GRIK2: variants seen among roughly 807,000 people sequenced by gnomAD.
GRIK2 encodes the protein glutamate receptor ionotropic, kainate 2.
GRIK2 carries 32 observed loss-of-function variants against 100.3 expected under a neutral mutation model. The observed-to-expected ratio is 0.32, with a 90% CI of 0.24 to 0.43. The LOEUF is 0.43. Among genes scored for constraint, GRIK2 ranks in the 20% least tolerant of loss-of-function variants. The pLI is 1.00. For missense variants in GRIK2, 843 were observed against 1,114.9 expected (o/e 0.76, Z 3.47); for synonymous variants, 417 against 389.4 (o/e 1.07, Z -0.83).
intron 2 of GRIK2, among the ~76,000 whole-genome samples, chr6:101,413,898 T>C (rs1205969643): frequency 6.6e-6 from 1 of 152,012 alleles, no homozygotes; most frequent in East Asian, 2.0e-4. Flanking sequence ...TCTTTATTTA[T>C]ACAAGCAACC....
At position 101,526,389 on chromosome 6, in the gene GRIK2, A is replaced by G. The variant is rs369684503; in HGVS notation, c.116-95560A>G. Among the ~76,000 whole-genome samples, 22 of 152,318 alleles carry G rather than the reference A, an allele frequency of 1.4e-4. No individual in the cohort carries two copies. In the East Asian group the frequency reaches 3.3e-3, roughly 23 times the overall value. ...ATAATTAGAGTATATTTAGAAAACT[A>G]TATGCATTTGCTTATTTTTTAATGT... On this transcript the variant is annotated intron_variant, in intron 2 of 16. Coordinates refer to ENST00000369134, the MANE Select transcript of GRIK2 (RefSeq NM_021956.5).
chr6:101,889,537 T>C, intron 11 of GRIK2, 103 bp from the exon 12 acceptor site: 1 of 661,012 alleles, frequency 1.5e-6, no homozygotes, highest in Non-Finnish European at 2.6e-6. Flanking sequence ...AAAGCCTTTG[T>C]TTTATTTAAT....
At chr6:101,546,861 C>G (rs577987215) in intron 2 of GRIK2, among the ~76,000 whole-genome samples, 1 of 102,956 alleles carries the variant, frequency 9.7e-6, no homozygotes, top group Non-Finnish European at 1.8e-5. Flanking sequence ...GACGGAGTCT[C>G]GCTCTGTCGC....
At position 101,606,122 on chromosome 6, in the gene GRIK2, G is replaced by A. The variant is rs142497805; in HGVS notation, c.116-15827G>A. On this transcript the variant is annotated intron_variant, in intron 2 of 16. Transcript: ENST00000369134. ...CCATATTACTGGGCTCTCACTGGAT[G>A]ACTCAGCTAAGTCATTATATTAACT... Among the ~76,000 whole-genome samples, 612 of 152,088 alleles carry A rather than the reference G, an allele frequency of 4.0e-3. 1 individual carries two copies. Among genetic ancestry groups the A allele is most frequent in the African/African-American group, 0.014 (580 of 41,540 alleles).
At chr6:101,553,296 T>C (rs908536997) in intron 2 of GRIK2, among the ~76,000 whole-genome samples, 1 of 152,182 alleles carries the variant, frequency 6.6e-6, no homozygotes, top group African/African-American at 2.4e-5. Context: ...TTAGGGTGTA[T>C]CAATGTATTA....
chr6:101,511,776 G>T (rs1774331469), intron 2 of GRIK2, among the ~76,000 whole-genome samples: 1 of 151,848 alleles, frequency 6.6e-6, no homozygotes, highest in South Asian at 2.1e-4. Context: ...AATCATATAT[G>T]ATTTGTTTTT....
At chr6:101,573,238 G>A (rs527898879) in intron 2 of GRIK2, among the ~76,000 whole-genome samples, 39 of 152,208 alleles carry the variant, frequency 2.6e-4, no homozygotes, top group East Asian at 7.7e-4. Flanking sequence ...TGGCATAAAG[G>A]AAGACCTCAA....
rs959120466 is a variant in GRIK2 at position 101,399,430 on chromosome 6, C to T, written c.115+38C>T. On this transcript the variant is annotated intron_variant, in intron 2 of 16. Transcript: ENST00000369134. Reference sequence around the variant, plus strand: ...ATCTCTCTTGGTTGCCTGGTATCCGCTCCCAGGCAGCCGGATGTAAACAGG... The same window carrying T: ...ATCTCTCTTGGTTGCCTGGTATCCGTTCCCAGGCAGCCGGATGTAAACAGG... 6.9e-6 allele frequency: 7 copies of T among 1,014,248 alleles called. No homozygotes were observed. In the African/African-American group the frequency reaches 7.9e-5, roughly 11 times the overall value. 62.8% of individuals were successfully genotyped at this position (1,014,248 alleles called of 1,614,324 possible). A position where few individuals can be genotyped will look rare whatever the true frequency, so the allele number is the denominator to read the frequency against.
At chr6:101,883,107 C>T (rs1786371168) in intron 11 of GRIK2, among the ~76,000 whole-genome samples, 1 of 151,678 alleles carries the variant, frequency 6.6e-6, no homozygotes, top group Non-Finnish European at 1.5e-5. Context: ...TCAACAGAAA[C>T]AGTGGGCTGA....
chr6:102,064,114 T>C, intron 16 of GRIK2: 2 of 738,918 alleles, frequency 2.7e-6, no homozygotes, highest in Non-Finnish European at 4.7e-6. Flanking sequence ...AGAAACATTT[T>C]TATTGTTGTT....
chr6:101,547,436 A>T (rs1219903759), intron 2 of GRIK2, among the ~76,000 whole-genome samples: 1 of 152,166 alleles, frequency 6.6e-6, no homozygotes, highest in Non-Finnish European at 1.5e-5. Context: ...GTCATTTAAC[A>T]TTAGATATAT....
At chr6:101,811,566 C>G (rs1311856761) in intron 9 of GRIK2, among the ~76,000 whole-genome samples, 1 of 151,774 alleles carries the variant, frequency 6.6e-6, no homozygotes, top group Non-Finnish European at 1.5e-5. Flanking sequence ...TTAAAACTAA[C>G]TGGGAATGTT....
At chr6:101,775,025 A>T (rs2099884822) in intron 7 of GRIK2, among the ~76,000 whole-genome samples, 1 of 152,144 alleles carries the variant, frequency 6.6e-6, no homozygotes, top group African/African-American at 2.4e-5. Flanking sequence ...CAGGGAAATA[A>T]TACTGTTTAT....
intron 2 of GRIK2, among the ~76,000 whole-genome samples, chr6:101,525,701 A>T (rs1422639126): frequency 6.6e-6 from 1 of 152,232 alleles, no homozygotes; most frequent in African/African-American, 2.4e-5. Context: ...CTTGTTTCAC[A>T]GCCCCCACTT....
At chr6:101,565,935 G>GTATATATATATA (rs60158757) in intron 2 of GRIK2, among the ~76,000 whole-genome samples, 3 of 109,500 alleles carry the variant, frequency 2.7e-5, no homozygotes, top group South Asian at 2.7e-4. Flanking sequence ...ATATATATGT[G>GTATATATATATA]TATATATATA....
chr6:101,413,101 TA>T (rs1775958761), intron 2 of GRIK2, among the ~76,000 whole-genome samples: 1 of 152,022 alleles, frequency 6.6e-6, no homozygotes, highest in Admixed American at 6.5e-5. Context: ...AGTTTGTGAG[TA>T]AACTGTGGAG....
intron 9 of GRIK2, among the ~76,000 whole-genome samples, chr6:101,817,393 T>C (rs1045972282): frequency 6.6e-6 from 1 of 152,242 alleles, no homozygotes; most frequent in Non-Finnish European, 1.5e-5. Flanking sequence ...TTTGATAGTT[T>C]TCCTTTTCTT....
chr6:101,568,224 G>A (rs550392334), intron 2 of GRIK2, among the ~76,000 whole-genome samples: 49 of 151,824 alleles, frequency 3.2e-4, no homozygotes, highest in Non-Finnish European at 6.9e-4. Context: ...TCTCTGTACT[G>A]TACTATAAGG....
chr6:101,424,442 AGTTTGCTAAGAATGATG>A (rs1349785061), intron 2 of GRIK2, among the ~76,000 whole-genome samples: 1 of 150,886 alleles, frequency 6.6e-6, no homozygotes, highest in African/African-American at 2.4e-5. Flanking sequence ...TCCTTGCGAT[AGTTTGCTAAGAATGATG>A]GTTTCCAGCT....
Sources: allele counts gnomAD v4.1 joint callset (sites outside exome capture counted in the v4.1 genomes callset), GRCh38; gene constraint gnomAD v4.1.1; transcripts MANE v1.5; gene names NCBI Gene and HGNC (gene_info 2026-07-23, HGNC 2026-07-21).